The following HOXB3 variants were observed in gnomAD, a reference collection of about 807,000 sequenced individuals.
HOXB3 encodes the protein homeobox B3.
HOXB3 carries 17 observed loss-of-function variants against 29.2 expected under a neutral mutation model. The ratio of observed to expected loss-of-function variants is 0.58; its 90% CI spans 0.40 to 0.87. The LOEUF is 0.87. Among genes scored for constraint, HOXB3 ranks in the 40% least tolerant of loss-of-function variants. The probability of loss-of-function intolerance (pLI) is 0.00; values close to 1 mark genes in which losing one functional copy is unlikely to be tolerated. For synonymous variants in HOXB3, 317 were observed against 285.9 expected (o/e 1.11, Z -1.10); for missense variants, 637 against 616.3 (o/e 1.03, Z -0.35).
intron 2 of HOXB3, among the ~76,000 whole-genome samples, chr17:48,563,204 A>AG (rs1429802272): frequency 3.9e-5 from 6 of 152,208 alleles, no homozygotes; most frequent in Non-Finnish European, 8.8e-5. Flanking sequence ...GAAAGGGTAG[A>AG]GGGGCAGGGG....
chr17:48,577,659 G>A (rs184083165), intron 1 of HOXB3, among the ~76,000 whole-genome samples: 1 of 152,284 alleles, frequency 6.6e-6, no homozygotes, highest in East Asian at 1.9e-4. Context: ...CTTCAAAGGC[G>A]CAGGGCCCAC....
At chr17:48,555,868 G>A (rs889428937) in intron 2 of HOXB3, among the ~76,000 whole-genome samples, 2 of 152,160 alleles carry the variant, frequency 1.3e-5, no homozygotes, top group South Asian at 4.1e-4. Flanking sequence ...TCCAGCTCCG[G>A]GCTCCAGCAG....
Position 48,552,330 on chromosome 17 carries a change from G to A in HOXB3, c.145C>T (p.Arg49Cys). Residue 49 changes from arginine to cysteine, a missense_variant, in exon 4 of 5, where the codon CGC becomes TGC. Coordinates refer to ENST00000498678, the MANE Select transcript of HOXB3 (RefSeq NM_001384749.1). ...AGGGACTGCAGCGAGCAAGCTGAGCGCTGGTAGTCGCCCTCCAGGTGCGTG... is the reference window on the plus strand; with the variant it reads ...AGGGACTGCAGCGAGCAAGCTGAGCACTGGTAGTCGCCCTCCAGGTGCGTG... ...AATHLEGDYQ[R>C]SACSLQSLGN... 1 of 1,614,116 alleles carries A rather than the reference G, an allele frequency of 6.2e-7. No homozygotes were observed. The highest frequency in any genetic ancestry group is 8.5e-7 in the Non-Finnish European group (1 of 1,180,000).
chr17:48,589,474 A>G (rs755602113), intron 1 of HOXB3, among the ~76,000 whole-genome samples: 10 of 152,026 alleles, frequency 6.6e-5, no homozygotes, highest in Non-Finnish European at 2.9e-5. Flanking sequence ...CCAAGGAGAA[A>G]GATTAGCTTG....
In HOXB3 at chr17:48,554,850, G is replaced by C. The variant is rs914345181; in HGVS notation, c.-159+681C>G. On this transcript the variant is annotated intron_variant, in intron 3 of 4. Transcript: ENST00000498678. The surrounding 1 kb of genome is among the most constrained non-coding windows in gnomAD (Gnocchi z 4.1). ...TGGAGGGCGCCGAGGCCTGGCGGAC[G>C]GGACAGTGGGAAGAGAGAAAGGTGC... 6 of 702,156 alleles carry C rather than the reference G, an allele frequency of 8.5e-6. No individual in the cohort carries two copies. The highest frequency in any genetic ancestry group is 7.0e-5 in the African/African-American group (4 of 57,230). 43.5% of individuals were successfully genotyped at this position (702,156 alleles called of 1,614,324 possible).
intron 1 of HOXB3, chr17:48,577,721 G>T: frequency 1.4e-6 from 1 of 714,548 alleles, no homozygotes; most frequent in Non-Finnish European, 1.9e-6. Flanking sequence ...GAAAACAGGC[G>T]ACCGTAAATC....
intron 2 of HOXB3, among the ~76,000 whole-genome samples, chr17:48,565,007 T>C (rs186435539): frequency 8.3e-4 from 100 of 121,138 alleles, no homozygotes; most frequent in Non-Finnish European, 1.6e-3. Flanking sequence ...CATCCGCTTG[T>C]TAAGGCTGGG....
intron 4 of HOXB3, 63 bp downstream of exon 4, chr17:48,551,964 G>A (rs2068766939): frequency 6.8e-7 from 1 of 1,476,310 alleles, no homozygotes; most frequent in African/African-American, 1.4e-5. Context: ...CTGGGTGCTA[G>A]AATAACAGTG....
At chr17:48,579,929 TACAGA>T (rs2069890442) in intron 1 of HOXB3, 1 of 518,744 alleles carries the variant, frequency 1.9e-6, no homozygotes, top group African/African-American at 2.0e-5. Context: ...ACAGGGTATA[TACAGA>T]AGACAGACAG....
intron 1 of HOXB3, chr17:48,580,140 T>C (rs892287025): frequency 6.6e-6 from 2 of 304,122 alleles, no homozygotes; most frequent in Admixed American, 6.0e-5. Context: ...AAGTAGCCAG[T>C]TCGCAAAGGG....
intron 2 of HOXB3, among the ~76,000 whole-genome samples, chr17:48,561,104 C>A (rs2069176545): frequency 6.6e-6 from 1 of 151,524 alleles, no homozygotes; most frequent in Admixed American, 6.6e-5. Flanking sequence ...CGCTTGAACC[C>A]AGGAGGCAGA....
At chr17:48,562,510 C>T (rs577683262) in intron 2 of HOXB3, among the ~76,000 whole-genome samples, 2 of 152,358 alleles carry the variant, frequency 1.3e-5, no homozygotes, top group Admixed American at 6.5e-5. Context: ...TCTCTGCTCT[C>T]TGCTCTTGGG....
rs372736756 is a variant in HOXB3 at position 48,554,908 on chromosome 17, G to C, written c.-159+623C>G. The C allele has an allele frequency of 1.5e-4, 104 of 689,952 alleles. No homozygotes were observed. The East Asian group carries it at 2.1e-3, about 14-fold the overall frequency. The allele number at this position is 689,952 out of a possible 1,614,324, so 42.7% of individuals were successfully genotyped here. The stretch of plus-strand genomic sequence containing the variant: ...ACCCAAGATCTGGGATCCAGAACAA[G>C]AGGGGGTGGGGAACAACTCTACCAA... On this transcript the variant is annotated intron_variant, in intron 3 of 4. Transcript: ENST00000498678. The surrounding 1 kb of genome is among the most constrained non-coding windows in gnomAD (Gnocchi z 4.1).
intron 1 of HOXB3, among the ~76,000 whole-genome samples, chr17:48,588,499 G>A (rs2070087119): frequency 6.6e-6 from 1 of 152,200 alleles, no homozygotes; most frequent in Non-Finnish European, 1.5e-5. Context: ...GTGAGGCCAG[G>A]GGCACAATAG....
At chr17:48,583,447 C>T in intron 1 of HOXB3, among the ~76,000 whole-genome samples, 1 of 152,318 alleles carries the variant, frequency 6.6e-6, no homozygotes, top group African/African-American at 2.4e-5. Flanking sequence ...TTGCCTACAA[C>T]ACACTTCTCC....
intron 2 of HOXB3, among the ~76,000 whole-genome samples, chr17:48,568,637 G>GCA (rs34290848): frequency 2.0e-5 from 3 of 151,084 alleles, no homozygotes; most frequent in Non-Finnish European, 2.9e-5. Context: ...AGACGCGCAC[G>GCA]CACACACACG....
In HOXB3 at chr17:48,550,244, G is replaced by T; in HGVS notation, c.*90C>A. ...GGAAGCCTGGGTACCACCTTCTCTG[G>T]CTCCTCTTTTCAGACCTCCAGGTTG... On this transcript the variant is annotated 3_prime_UTR_variant, in exon 5 of 5. Transcript: ENST00000498678. 2 of 1,549,138 alleles carry T rather than the reference G, an allele frequency of 1.3e-6. No homozygotes were observed. The highest frequency in any genetic ancestry group is 1.2e-5 in the South Asian group (1 of 84,068).
At chr17:48,572,699 C>T (rs1316624567) in intron 2 of HOXB3, among the ~76,000 whole-genome samples, 1 of 152,136 alleles carries the variant, frequency 6.6e-6, no homozygotes. Context: ...AAAATCTTTA[C>T]GTTTTTTTCC....
In HOXB3 at chr17:48,554,872, G is replaced by A. The variant is rs946837825; in HGVS notation, c.-159+659C>T. On this transcript the variant is annotated intron_variant, in intron 3 of 4. Transcript: ENST00000498678. This position sits in a 1 kb window ranked among gnomAD's most constrained non-coding sequence, Gnocchi z 4.1. ...GACGGGACAGTGGGAAGAGAGAAAG[G>A]TGCTAAGGGGACCCAAGATCTGGGA... 1.7e-5 allele frequency: 12 copies of A among 698,830 alleles called. No homozygotes were observed. Among genetic ancestry groups the A allele is most frequent in the Non-Finnish European group, 2.9e-5 (11 of 382,408 alleles). 43.3% of individuals were successfully genotyped at this position (698,830 alleles called of 1,614,324 possible).
Sources: allele counts gnomAD v4.1 joint callset (sites outside exome capture counted in the v4.1 genomes callset), GRCh38; gene constraint gnomAD v4.1.1; non-coding constraint Gnocchi (gnomAD v3.1); transcripts MANE v1.5; gene names NCBI Gene and HGNC (gene_info 2026-07-23, HGNC 2026-07-21).